Variants in CTNND2 observed in about 807,000 individuals in gnomAD.
CTNND2 encodes catenin delta-2.
Under a neutral mutation model 144.4 loss-of-function variants are expected in CTNND2, and 22 were observed. The observed-to-expected ratio is 0.15, with a 90% CI of 0.11 to 0.22. CTNND2 has a LOEUF of 0.22. CTNND2 is among the 10% of genes least tolerant of loss of function. CTNND2 has a pLI of 1.00. For missense variants in CTNND2, 1,353 were observed against 1,618.8 expected, an observed-to-expected ratio of 0.84 and a Z score of 2.82; for synonymous variants, 751 against 695.6, an observed-to-expected ratio of 1.08 and a Z score of -1.25.
At chr5:11,240,718 A>AACACACACTCAGCACACACACACCCAAC (rs1561076853) in intron 9 of CTNND2, among the ~76,000 whole-genome samples, 1 of 114,748 alleles carries the variant, frequency 8.7e-6, no homozygotes, top group Non-Finnish European at 1.8e-5. Context: ...ACACACCCAA[A>AACACACACTCAGCACACACACACCCAAC]ACACACACTC....
intron 16 of CTNND2, among the ~76,000 whole-genome samples, chr5:11,070,505 C>T (rs1392991762): frequency 6.6e-6 from 1 of 152,078 alleles, no homozygotes. Flanking sequence ...GTGTAATATA[C>T]ATGTAATTGA....
At chr5:11,682,838 A>G (rs1192646690) in intron 2 of CTNND2, among the ~76,000 whole-genome samples, 2 of 152,218 alleles carry the variant, frequency 1.3e-5, no homozygotes, top group Non-Finnish European at 2.9e-5. Flanking sequence ...TGATAGGATG[A>G]AAAACAGAAA....
At chr5:11,086,508 T>G (rs1750162792) in intron 15 of CTNND2, among the ~76,000 whole-genome samples, 1 of 152,224 alleles carries the variant, frequency 6.6e-6, no homozygotes, top group African/African-American at 2.4e-5. Context: ...TGAATTTGAC[T>G]GGGTTTGCCT....
At chr5:11,419,149 A>G (rs6861349) in intron 3 of CTNND2, among the ~76,000 whole-genome samples, 35,013 of 151,516 alleles carry the variant, frequency 0.23, 6,835 homozygotes, top group African/African-American at 0.54. Flanking sequence ...AGGGGGTCAG[A>G]AGGGTGAAGA....
At chr5:11,337,042 C>T (rs1753806199) in intron 9 of CTNND2, among the ~76,000 whole-genome samples, 1 of 152,122 alleles carries the variant, frequency 6.6e-6, no homozygotes, top group Non-Finnish European at 1.5e-5. Flanking sequence ...GGGTGCTGTC[C>T]TCCATGTTCA....
chr5:11,027,813 G>A (rs1021912253), intron 16 of CTNND2, among the ~76,000 whole-genome samples: 6 of 152,298 alleles, frequency 3.9e-5, no homozygotes, highest in African/African-American at 1.4e-4. Context: ...AAACCATGTT[G>A]CCCAAGAAAG....
chr5:11,647,122 T>C (rs1229830072), intron 2 of CTNND2, among the ~76,000 whole-genome samples: 1 of 152,180 alleles, frequency 6.6e-6, no homozygotes. Flanking sequence ...TTCTGCTCAT[T>C]GAGCAAACTC....
At chr5:11,415,175 A>G (rs1490720884) in intron 3 of CTNND2, among the ~76,000 whole-genome samples, 1 of 152,196 alleles carries the variant, frequency 6.6e-6, no homozygotes, top group Non-Finnish European at 1.5e-5. Context: ...CGCTTTCTAC[A>G]ATGGTTGCAC....
chr5:11,329,649 G>A (rs756722818), intron 9 of CTNND2, among the ~76,000 whole-genome samples: 7 of 152,182 alleles, frequency 4.6e-5, no homozygotes, highest in Non-Finnish European at 1.0e-4. Flanking sequence ...CTGTGCAATA[G>A]CAGCCCAGGA....
chr5:11,358,882 T>C (rs764053586), intron 8 of CTNND2, among the ~76,000 whole-genome samples: 7 of 152,234 alleles, frequency 4.6e-5, no homozygotes, highest in Non-Finnish European at 1.0e-4. Flanking sequence ...TCTTTCTTTA[T>C]TACAAGCTGA....
At chr5:11,789,136 C>T (rs1048998147) in intron 1 of CTNND2, among the ~76,000 whole-genome samples, 2 of 152,078 alleles carry the variant, frequency 1.3e-5, no homozygotes, top group East Asian at 1.9e-4. Flanking sequence ...GTAAACTAGT[C>T]GACCATCATG....
At chr5:11,168,126 T>A (rs10078958) in intron 11 of CTNND2, among the ~76,000 whole-genome samples, 41,654 of 152,060 alleles carry the variant, frequency 0.27, 5,908 homozygotes, top group Non-Finnish European at 0.32. Context: ...CTGATTTTTT[T>A]AAAAATGAAA....
chr5:11,777,944 C>A (rs907496479), intron 1 of CTNND2, among the ~76,000 whole-genome samples: 3 of 151,970 alleles, frequency 2.0e-5, no homozygotes, highest in African/African-American at 7.3e-5. Context: ...TAAAGTAGTC[C>A]CAGAATAAAA....
chr5:11,377,634 T>A (rs1188557366), intron 7 of CTNND2, among the ~76,000 whole-genome samples: 1 of 152,190 alleles, frequency 6.6e-6, no homozygotes, highest in Non-Finnish European at 1.5e-5. Context: ...TACCCGCATT[T>A]GATTTACAAG....
intron 3 of CTNND2, among the ~76,000 whole-genome samples, chr5:11,555,163 T>C (rs947899074): frequency 1.3e-5 from 2 of 152,200 alleles, no homozygotes; most frequent in Non-Finnish European, 2.9e-5. Context: ...TTAGTTGCTG[T>C]GTGCTGGCCA....
At chr5:11,328,942 C>T (rs60513481) in intron 9 of CTNND2, among the ~76,000 whole-genome samples, 14,648 of 152,210 alleles carry the variant, frequency 0.096, 1,256 homozygotes, top group African/African-American at 0.23. Context: ...TTTATTTTCT[C>T]CCAGTTCTGG....
intron 14 of CTNND2, among the ~76,000 whole-genome samples, chr5:11,100,617 T>TGG (rs1751790467): frequency 6.6e-6 from 1 of 152,180 alleles, no homozygotes; most frequent in African/African-American, 2.4e-5. Flanking sequence ...CTTGGGGTAG[T>TGG]GAATCTATCT....
At chr5:11,298,595 C>A (rs1003057138) in intron 9 of CTNND2, among the ~76,000 whole-genome samples, 3 of 152,214 alleles carry the variant, frequency 2.0e-5, no homozygotes, top group African/African-American at 7.2e-5. Flanking sequence ...GATTTTCTCT[C>A]ATTTAGTTAT....
intron 2 of CTNND2, among the ~76,000 whole-genome samples, chr5:11,592,697 A>C (rs1192610611): frequency 6.6e-6 from 1 of 151,962 alleles, no homozygotes; most frequent in Non-Finnish European, 1.5e-5. Flanking sequence ...CATCTACCTA[A>C]AAATTATAAT....
Sources: gnomAD v4.1 joint callset for allele counts (sites outside exome capture counted in the v4.1 genomes callset) on GRCh38, gnomAD v4.1.1 for gene constraint, MANE v1.5 for transcripts, NCBI Gene and HGNC (gene_info 2026-07-23, HGNC 2026-07-21) for gene names.